Variants in CASK observed in about 807,000 individuals in gnomAD.
CASK encodes calcium/calmodulin dependent serine protein kinase.
A neutral mutation model predicts 82.9 loss-of-function variants in CASK; 4 were observed. That is an observed-to-expected ratio of 0.05 (90% CI 0.02 to 0.11). The LOEUF is 0.11. Ranked by LOEUF, CASK falls within the 10% of genes least tolerant of loss-of-function variation. The pLI is 1.00. For synonymous variants in CASK, 259 were observed against 253.5 expected (o/e 1.02, Z -0.20); for missense variants, 358 against 720.9 (o/e 0.50, Z 5.76).
At chrX:41,755,239 T>C (rs988879239) in intron 3 of CASK, among the ~76,000 whole-genome samples, 5 of 111,772 alleles carry the variant, frequency 4.5e-5, no homozygotes, top group African/African-American at 1.3e-4. Flanking sequence ...GCAGGAATAG[T>C]TTCCAACTCA....
chrX:41,869,179 A>G (rs2071648369), intron 1 of CASK, among the ~76,000 whole-genome samples: 1 of 111,625 alleles, frequency 9.0e-6, no homozygotes, highest in African/African-American at 3.3e-5. Flanking sequence ...CTGGGAAGCA[A>G]CTGCCCCATA....
At chrX:41,781,655 G>A (rs778163571) in intron 3 of CASK, among the ~76,000 whole-genome samples, 5 of 111,608 alleles carry the variant, frequency 4.5e-5, no homozygotes, top group Non-Finnish European at 9.4e-5. Flanking sequence ...CTTAGTCTAC[G>A]TAGCAGCTAT....
At chrX:41,642,307 T>C (rs1330215872) in intron 8 of CASK, among the ~76,000 whole-genome samples, 2 of 112,023 alleles carry the variant, frequency 1.8e-5, no homozygotes, top group Non-Finnish European at 3.8e-5. Context: ...TCTAGATCCT[T>C]GAGGAATTGC....
At chrX:41,568,584 AT>A (rs1212955226) in intron 16 of CASK, among the ~76,000 whole-genome samples, 1 of 112,020 alleles carries the variant, frequency 8.9e-6, no homozygotes, top group Non-Finnish European at 1.9e-5. Flanking sequence ...CAGAAGAATC[AT>A]TTTTGGAACA....
chrX:41,657,105 C>G (rs2066953692), intron 8 of CASK, among the ~76,000 whole-genome samples: 1 of 111,806 alleles, frequency 8.9e-6, no homozygotes, highest in Non-Finnish European at 1.9e-5. Context: ...GAGGTAATTA[C>G]TAGACTAATA....
At chrX:41,803,405 T>C (rs1002590780) in intron 2 of CASK, among the ~76,000 whole-genome samples, 2 of 110,752 alleles carry the variant, frequency 1.8e-5, no homozygotes, top group Non-Finnish European at 3.8e-5. Context: ...GTGGCCAACA[T>C]AGTGAAACGC....
chrX:41,767,766 A>C (rs192225838), intron 3 of CASK, among the ~76,000 whole-genome samples: 8 of 111,678 alleles, frequency 7.2e-5, no homozygotes, highest in African/African-American at 2.6e-4. Context: ...CTTGGGAAGA[A>C]TATCAGAGGT....
In CASK at chrX:41,617,333, T is replaced by C. The variant is rs146569270; in HGVS notation, c.1033+5284A>G. Among the ~76,000 whole-genome samples, 516 of 112,574 alleles carry C rather than the reference T, an allele frequency of 4.6e-3. 4 individuals carry two copies. Among genetic ancestry groups the C allele is most frequent in the Non-Finnish European group, 6.6e-3 (354 of 53,303 alleles). On this transcript the variant is annotated intron_variant, in intron 11 of 26. Transcript: ENST00000378163. ...TTGTACCCAAATATGATTAACTTGATGGGTTCTCAATCATGAAAAGAAGCA... is the reference window on the plus strand; with the variant it reads ...TTGTACCCAAATATGATTAACTTGACGGGTTCTCAATCATGAAAAGAAGCA...
intron 14 of CASK, among the ~76,000 whole-genome samples, chrX:41,581,481 T>C (rs1436515247): frequency 1.8e-5 from 2 of 110,920 alleles, no homozygotes; most frequent in South Asian, 3.8e-4. Flanking sequence ...ATTTTCAGTG[T>C]TGGGTAATTC....
In CASK at chrX:41,699,543, C is replaced by T. The variant is rs192724513; in HGVS notation, c.430-28013G>A. Among the ~76,000 whole-genome samples the T allele has an allele frequency of 1.3e-4, 14 of 110,241 alleles. 1 individual carries two copies. In the East Asian group the frequency reaches 3.7e-3, roughly 29 times the overall value. On this transcript the variant is annotated intron_variant, in intron 5 of 26. Coordinates refer to ENST00000378163, the MANE Select transcript of CASK (RefSeq NM_001367721.1). ...AACATCTTACATATCTCATTGTATA[C>T]AGTTTGGTGAAATTATATTATCAAT...
chrX:41,551,528 C>T (rs1297498332), intron 21 of CASK, among the ~76,000 whole-genome samples: 1 of 111,098 alleles, frequency 9.0e-6, no homozygotes, highest in Admixed American at 9.6e-5. Flanking sequence ...ATGACAAATG[C>T]CCTGTTTGCA....
chrX:41,545,255 T>C (rs767418651), intron 21 of CASK, among the ~76,000 whole-genome samples: 1 of 112,258 alleles, frequency 8.9e-6, no homozygotes, highest in East Asian at 2.8e-4. Flanking sequence ...CTTGAACTCC[T>C]GCTTCGTGTG....
intron 3 of CASK, among the ~76,000 whole-genome samples, chrX:41,752,502 C>T (rs2068815167): frequency 9.0e-6 from 1 of 110,943 alleles, no homozygotes; most frequent in Admixed American, 9.6e-5. Flanking sequence ...GTTGGCCAGA[C>T]TGGTCTTGAG....
chrX:41,687,965 CAAAAAAAAA>C (rs76783862), intron 5 of CASK, among the ~76,000 whole-genome samples: 1 of 24,580 alleles, frequency 4.1e-5, no homozygotes, highest in African/African-American at 1.5e-4. Flanking sequence ...AACTCCGTCT[CAAAAAAAAA>C]AAAAAAAAAA....
Position 41,569,806 on chromosome X carries a change from T to G in CASK, c.1504-60A>C, listed in dbSNP as rs777404418. The G allele has an allele frequency of 4.4e-6, 3 of 681,197 alleles. No homozygotes were observed. The African/African-American group carries it at 6.7e-5, about 15-fold the overall frequency. 56.1% of individuals were successfully genotyped at this position (681,197 alleles called of 1,213,427 possible). ...AGAATTACTATGACAGTGCTTCTCT[T>G]AATATTTGTGATTTTGCGGTAGATA... On this transcript the variant is annotated intron_variant, in intron 15 of 26. Coordinates refer to ENST00000378163, the MANE Select transcript of CASK (RefSeq NM_001367721.1).
chrX:41,836,437 A>C (rs996895360), intron 2 of CASK, among the ~76,000 whole-genome samples: 5 of 111,427 alleles, frequency 4.5e-5, no homozygotes, highest in Admixed American at 9.5e-5. Flanking sequence ...TTTTTTAAAT[A>C]CTAGCCAAGT....
At chrX:41,797,584 A>G (rs1284857183) in intron 2 of CASK, among the ~76,000 whole-genome samples, 1 of 111,783 alleles carries the variant, frequency 8.9e-6, no homozygotes, top group Admixed American at 9.5e-5. Context: ...GTCTCACATC[A>G]AAGTGTATGT....
rs1239961958 is a variant in CASK at position 41,817,720 on chromosome X, A to G, written c.173-30437T>C. Among the ~76,000 whole-genome samples the G allele has an allele frequency of 4.5e-5, 5 of 111,291 alleles. No homozygotes were observed. The East Asian group carries it at 1.1e-3, about 25-fold the overall frequency. On this transcript the variant is annotated intron_variant, in intron 2 of 26. Coordinates refer to ENST00000378163, the MANE Select transcript of CASK (RefSeq NM_001367721.1). ...GAATACAAGACTGATATACAATTGT[A>G]TATCAGTTGTATTTATATATTCCAG... is the stretch of plus-strand genomic sequence containing the variant.
chrX:41,596,319 C>T (rs776906620), intron 12 of CASK, among the ~76,000 whole-genome samples: 23 of 111,885 alleles, frequency 2.1e-4, no homozygotes, highest in Non-Finnish European at 4.0e-4. Context: ...TGTATGAGGG[C>T]GGCTGTTAAT....
Sources: gnomAD v4.1 joint callset for allele counts (sites outside exome capture counted in the v4.1 genomes callset) on GRCh38, gnomAD v4.1.1 for gene constraint, MANE v1.5 for transcripts, NCBI Gene and HGNC (gene_info 2026-07-23, HGNC 2026-07-21) for gene names.